Variants in PLPPR1 observed in about 807,000 individuals in gnomAD.
PLPPR1 encodes phospholipid phosphatase related 1, also known as phospholipid phosphatase-related protein type 1.
PLPPR1 carries 10 observed loss-of-function variants against 33.1 expected under a neutral mutation model. The ratio of observed to expected loss-of-function variants is 0.30; its 90% CI spans 0.19 to 0.51. The LOEUF (loss-of-function observed/expected upper bound fraction) is 0.51. PLPPR1 is among the 20% of genes least tolerant of loss of function. The pLI, the probability that PLPPR1 is intolerant of heterozygous loss-of-function variation, is 0.97. For missense variants in PLPPR1, 304 were observed against 408.1 expected (o/e 0.74, Z 2.20); for synonymous variants, 151 against 151.0 (o/e 1.00, Z 0.00).
chr9:101,296,045 C>G (rs1370265546), intron 4 of PLPPR1, among the ~76,000 whole-genome samples: 1 of 151,870 alleles, frequency 6.6e-6, no homozygotes, highest in Non-Finnish European at 1.5e-5. Context: ...ATTTTCACAA[C>G]CTACTCATCT....
At chr9:101,231,799 C>T (rs780670094) in intron 2 of PLPPR1, among the ~76,000 whole-genome samples, 4 of 151,988 alleles carry the variant, frequency 2.6e-5, no homozygotes, top group Non-Finnish European at 4.4e-5. Context: ...TTAAAGTAGT[C>T]GATTTTCCTT....
At position 101,221,008 on chromosome 9, in the gene PLPPR1, G is replaced by A. The variant is rs979377812; in HGVS notation, c.63+35451G>A. Among the ~76,000 whole-genome samples the A allele has an allele frequency of 3.9e-5, 6 of 152,218 alleles. No individual in the cohort carries two copies. The East Asian group carries it at 7.7e-4, about 20-fold the overall frequency. On this transcript the variant is annotated intron_variant, in intron 2 of 7. Transcript: ENST00000374874. Reference sequence around the variant, plus strand: ...CTTCTACACCAATTTTGTTAACAATGTTAACATGACTCCTACAGTTGATAG... The same window carrying A: ...CTTCTACACCAATTTTGTTAACAATATTAACATGACTCCTACAGTTGATAG...
At chr9:101,118,193 CAAT>C (rs1270940689) in intron 1 of PLPPR1, among the ~76,000 whole-genome samples, 1 of 152,146 alleles carries the variant, frequency 6.6e-6, no homozygotes, top group Non-Finnish European at 1.5e-5. Flanking sequence ...CTGCTGTGGG[CAAT>C]AATGTTTCAG....
At chr9:101,309,092 G>T in intron 4 of PLPPR1, 119 bp from the exon 5 acceptor site, 1 of 988,246 alleles carries the variant, frequency 1.0e-6, no homozygotes, top group Non-Finnish European at 1.5e-6. Flanking sequence ...GATACTCCGG[G>T]GAGTACTTAG....
At chr9:101,250,456 T>C (rs549177894) in intron 2 of PLPPR1, among the ~76,000 whole-genome samples, 28 of 152,056 alleles carry the variant, frequency 1.8e-4, no homozygotes, top group Non-Finnish European at 3.5e-4. Flanking sequence ...ACCTTCCCTT[T>C]CCTACTGGAA....
chr9:101,159,892 T>G (rs1831750908), intron 1 of PLPPR1, among the ~76,000 whole-genome samples: 1 of 152,182 alleles, frequency 6.6e-6, no homozygotes, highest in Non-Finnish European at 1.5e-5. Context: ...AGTGAGACCT[T>G]TAGAGCTGGA....
intron 1 of PLPPR1, among the ~76,000 whole-genome samples, chr9:101,030,852 A>G (rs926747190): frequency 2.6e-5 from 4 of 151,566 alleles, no homozygotes; most frequent in African/African-American, 7.3e-5. Flanking sequence ...AGAAAGCATG[A>G]TATTTGTGAG....
chr9:101,086,435 C>T (rs192283967), intron 1 of PLPPR1, among the ~76,000 whole-genome samples: 55 of 152,070 alleles, frequency 3.6e-4, no homozygotes, highest in Admixed American at 1.1e-3. Flanking sequence ...CCTTTTTGCC[C>T]ATTTTGCTCA....
Position 101,323,135 on chromosome 9 carries a change from T to C in PLPPR1, c.946-890T>C, listed in dbSNP as rs9886846. Among the ~76,000 whole-genome samples the C allele has an allele frequency of 4.9e-3, 745 of 152,278 alleles. 10 individuals carry two copies. Among genetic ancestry groups the C allele is most frequent in the African/African-American group, 0.017 (712 of 41,550 alleles). The stretch of plus-strand genomic sequence containing the variant: ...AAAATGTGCGGGATGCTAAATTACT[T>C]TGAGGCTCTTAAATGTTTATATTAG... On this transcript the variant is annotated intron_variant, in intron 7 of 7. Transcript: ENST00000374874.
Position 101,078,110 on chromosome 9 carries a change from GA to G in PLPPR1, c.-46+49010del, listed in dbSNP as rs1830564183. 1.6e-3 allele frequency among the ~76,000 whole-genome samples: 19 copies of G among 11,626 alleles called. 2 individuals are homozygous for G. Among genetic ancestry groups the G allele is most frequent in the African/African-American group, 6.3e-3 (18 of 2,870 alleles). 7.6% of individuals were successfully genotyped at this position (11,626 alleles called of 152,430 possible). A position where few individuals can be genotyped will look rare whatever the true frequency, so the allele number is the denominator to read the frequency against. On this transcript the variant is annotated intron_variant, in intron 1 of 7. Transcript: ENST00000374874. The stretch of plus-strand genomic sequence containing the variant: ...AGGAGGAGAAGGAGAAGGAGAAGAA[GA>G]AGAAGAAGAAGAAGAAGAAGAAGAA...
intron 7 of PLPPR1, among the ~76,000 whole-genome samples, chr9:101,319,612 A>C (rs1829116592): frequency 6.6e-6 from 1 of 152,164 alleles, no homozygotes; most frequent in Non-Finnish European, 1.5e-5. Context: ...CTAGAAATAA[A>C]ATATTAACAA....
intron 1 of PLPPR1, among the ~76,000 whole-genome samples, chr9:101,150,300 T>C (rs1425564845): frequency 1.3e-5 from 2 of 152,132 alleles, no homozygotes. Flanking sequence ...CTTAATCCAA[T>C]TTTTCTTCTT....
chr9:101,219,487 T>C (rs1014740323), intron 2 of PLPPR1, among the ~76,000 whole-genome samples: 1 of 152,216 alleles, frequency 6.6e-6, no homozygotes, highest in African/African-American at 2.4e-5. Context: ...CAGTGTTCTA[T>C]TTCCTCGCCA....
chr9:101,151,730 C>A (rs1470185148), intron 1 of PLPPR1, among the ~76,000 whole-genome samples: 1 of 152,214 alleles, frequency 6.6e-6, no homozygotes, highest in African/African-American at 2.4e-5. Flanking sequence ...AGTGCTAATT[C>A]ATGATCTTAC....
At chr9:101,187,639 C>T (rs374998873) in intron 2 of PLPPR1, 9 of 151,994 alleles carry the variant, frequency 5.9e-5, no homozygotes, top group African/African-American at 2.2e-4. Context: ...TCACCAAACA[C>T]TTATTGTTTA....
chr9:101,219,832 T>A (rs965742228), intron 2 of PLPPR1, among the ~76,000 whole-genome samples: 1 of 152,222 alleles, frequency 6.6e-6, no homozygotes, highest in Admixed American at 6.5e-5. Flanking sequence ...TCTTAGAACC[T>A]TCATTTACTC....
intron 1 of PLPPR1, among the ~76,000 whole-genome samples, chr9:101,084,288 A>T (rs1479070373): frequency 6.6e-6 from 1 of 152,132 alleles, no homozygotes; most frequent in African/African-American, 2.4e-5. Flanking sequence ...CATGGTGAAA[A>T]TTCCTACCAG....
intron 2 of PLPPR1, among the ~76,000 whole-genome samples, chr9:101,201,358 T>C (rs1826489326): frequency 6.6e-6 from 1 of 152,200 alleles, no homozygotes; most frequent in South Asian, 2.1e-4. Flanking sequence ...AAATATAAGT[T>C]CCTCTTAGCT....
At chr9:101,242,775 G>A (rs1368498686) in intron 2 of PLPPR1, among the ~76,000 whole-genome samples, 1 of 152,026 alleles carries the variant, frequency 6.6e-6, no homozygotes, top group Non-Finnish European at 1.5e-5. Flanking sequence ...TTAATTAAGT[G>A]CTCACTGTGT....
Sources: allele counts gnomAD v4.1 joint callset (sites outside exome capture counted in the v4.1 genomes callset), GRCh38; gene constraint gnomAD v4.1.1; transcripts MANE v1.5; gene names NCBI Gene and HGNC (gene_info 2026-07-23, HGNC 2026-07-21).